STIM2: variants seen among roughly 807,000 people sequenced by gnomAD.
The protein encoded by STIM2 is stromal interaction molecule 2.
Under a neutral mutation model 85.8 loss-of-function variants are expected in STIM2, and 31 were observed. The observed-to-expected ratio is 0.36, with a 90% CI of 0.27 to 0.49. The LOEUF is 0.49. Among genes scored for constraint, STIM2 ranks in the 20% least tolerant of loss-of-function variants. The pLI is 0.98. For missense variants in STIM2, 841 were observed against 927.6 expected, an observed-to-expected ratio of 0.91 and a Z score of 1.21; for synonymous variants, 356 against 331.1, an observed-to-expected ratio of 1.08 and a Z score of -0.82.
rs563546808 is a variant in STIM2 at position 26,870,599 on chromosome 4, G to A, written c.151+9230G>A. Among the ~76,000 whole-genome samples the A allele has an allele frequency of 7.2e-5, 11 of 152,170 alleles. No homozygotes were observed. In the East Asian group the frequency reaches 1.2e-3, roughly 16 times the overall value. On this transcript the variant is annotated intron_variant, in intron 1 of 11. Transcript: ENST00000467087. Reference sequence around the variant, plus strand: ...TAACTGATATATGATAGATGTACATGTTTTCAGGTATCATTCCTTTTTCAC... The same window carrying A: ...TAACTGATATATGATAGATGTACATATTTTCAGGTATCATTCCTTTTTCAC...
chr4:26,917,499 T>A (rs1355804597), intron 1 of STIM2, among the ~76,000 whole-genome samples: 2 of 152,208 alleles, frequency 1.3e-5, no homozygotes, highest in Non-Finnish European at 2.9e-5. Flanking sequence ...CATGGAGAAG[T>A]ATTAACATCT....
At chr4:26,968,042 G>C (rs1473536025) in intron 3 of STIM2, among the ~76,000 whole-genome samples, 8 of 152,118 alleles carry the variant, frequency 5.3e-5, no homozygotes, top group Admixed American at 5.2e-4. Context: ...TTGGTAGTAT[G>C]CACCTGTGGT....
chr4:26,874,335 C>T (rs1190708472), intron 1 of STIM2: 5 of 300,484 alleles, frequency 1.7e-5, no homozygotes, highest in Non-Finnish European at 3.4e-5. Context: ...CTACACCCTG[C>T]CGCTGAGAAG....
chr4:26,879,912 A>G (rs763546134), intron 1 of STIM2, among the ~76,000 whole-genome samples: 2 of 151,602 alleles, frequency 1.3e-5, no homozygotes, highest in African/African-American at 2.4e-5. Context: ...GCTTTTTTCT[A>G]TTTTCATTGC....
chr4:26,940,167 T>C (rs1023644043), intron 2 of STIM2, among the ~76,000 whole-genome samples: 3 of 152,172 alleles, frequency 2.0e-5, no homozygotes, highest in Admixed American at 6.6e-5. Flanking sequence ...TCATGCGGTC[T>C]GACTGGAGTC....
intron 1 of STIM2, chr4:26,873,771 A>C (rs1722714722): frequency 1.2e-6 from 1 of 864,832 alleles, no homozygotes; most frequent in East Asian, 2.6e-5. Flanking sequence ...ACTCACTGGG[A>C]GAGCAGAGGG....
At chr4:26,983,216 G>A (rs1322811236) in intron 3 of STIM2, among the ~76,000 whole-genome samples, 1 of 152,204 alleles carries the variant, frequency 6.6e-6, no homozygotes, top group Non-Finnish European at 1.5e-5. Context: ...GTCTTTTTGA[G>A]TTTGATGACT....
At chr4:26,957,317 G>A (rs1461479076) in intron 2 of STIM2, among the ~76,000 whole-genome samples, 1 of 152,088 alleles carries the variant, frequency 6.6e-6, no homozygotes, top group African/African-American at 2.4e-5. Context: ...TAAGGAGGGG[G>A]TGACTGTATA....
chr4:26,927,707 A>AC (rs1725013536), intron 2 of STIM2, among the ~76,000 whole-genome samples: 2 of 90,226 alleles, frequency 2.2e-5, no homozygotes, highest in Non-Finnish European at 4.4e-5. Context: ...AAAAAAAAAA[A>AC]CTTGAATAAA....
chr4:26,940,740 T>G (rs1725579092), intron 2 of STIM2, among the ~76,000 whole-genome samples: 2 of 152,286 alleles, frequency 1.3e-5, no homozygotes, highest in East Asian at 1.9e-4. Context: ...TTAAACATTT[T>G]AGAACATAAT....
intron 3 of STIM2, among the ~76,000 whole-genome samples, chr4:26,993,282 T>C (rs1284883887): frequency 6.6e-6 from 1 of 152,124 alleles, no homozygotes; most frequent in Non-Finnish European, 1.5e-5. Context: ...TGACATCCTG[T>C]TACTTGGTTA....
At chr4:26,909,893 G>A (rs1259140661) in intron 1 of STIM2, among the ~76,000 whole-genome samples, 2 of 152,194 alleles carry the variant, frequency 1.3e-5, no homozygotes, top group East Asian at 1.9e-4. Context: ...GGTCTCAAAA[G>A]GGCCAGTGCT....
chr4:26,914,413 G>C (rs1215557961), intron 1 of STIM2, among the ~76,000 whole-genome samples: 2 of 152,140 alleles, frequency 1.3e-5, no homozygotes, highest in Admixed American at 6.5e-5. Flanking sequence ...TCAAGAATCA[G>C]TGTAAATGTC....
intron 2 of STIM2, among the ~76,000 whole-genome samples, chr4:26,945,913 T>C (rs1017703162): frequency 1.3e-5 from 2 of 152,230 alleles, no homozygotes; most frequent in African/African-American, 2.4e-5. Flanking sequence ...AGTCTCGGAA[T>C]CCATGGCATG....
At position 27,022,957 on chromosome 4, in the gene STIM2, A is replaced by G. The variant is rs1461682364; in HGVS notation, c.2202A>G (p.Pro734=). The G allele has an allele frequency of 5.0e-6, 8 of 1,613,540 alleles. No homozygotes were observed. Among genetic ancestry groups the G allele is most frequent in the Non-Finnish European group, 6.8e-6 (8 of 1,179,978 alleles). The stretch of plus-strand genomic sequence containing the variant: ...ATAATGGAGAGAAAAGCAAAAAGCC[A>G]TCAAAAATCAAAAGCCTTTTTAAGA... Residue 734 remains proline, a synonymous_variant, in exon 12 of 12, where the codon CCA becomes CCG. Coordinates refer to ENST00000467087, the MANE Select transcript of STIM2 (RefSeq NM_020860.4).
At chr4:27,006,175 T>TA (rs1199373602) in intron 7 of STIM2, among the ~76,000 whole-genome samples, 2 of 152,224 alleles carry the variant, frequency 1.3e-5, no homozygotes, top group Non-Finnish European at 2.9e-5. Context: ...CTCTTCCCCT[T>TA]ACTTTAATGT....
intron 1 of STIM2, among the ~76,000 whole-genome samples, chr4:26,913,668 A>G (rs2109061339): frequency 6.6e-6 from 1 of 152,362 alleles, no homozygotes; most frequent in Admixed American, 6.5e-5. Context: ...TATTTCTTGA[A>G]AAGCTTTTTT....
chr4:26,876,596 GATTT>G (rs988331574), intron 1 of STIM2, among the ~76,000 whole-genome samples: 1 of 152,074 alleles, frequency 6.6e-6, no homozygotes, highest in Non-Finnish European at 1.5e-5. Flanking sequence ...CATCTTAGAG[GATTT>G]ATTAAATTTA....
intron 3 of STIM2, among the ~76,000 whole-genome samples, chr4:26,993,923 G>C (rs1314694362): frequency 6.6e-6 from 1 of 152,056 alleles, no homozygotes; most frequent in Non-Finnish European, 1.5e-5. Flanking sequence ...CCAAAATAAA[G>C]ATAATTATGT....
Sources: allele counts gnomAD v4.1 joint callset (sites outside exome capture counted in the v4.1 genomes callset), GRCh38; gene constraint gnomAD v4.1.1; transcripts MANE v1.5; gene names NCBI Gene and HGNC (gene_info 2026-07-23, HGNC 2026-07-21).